The following NUDT7 variants were observed in gnomAD, a reference collection of about 807,000 sequenced individuals.
NUDT7 encodes the protein peroxisomal coenzyme A diphosphatase NUDT7.
NUDT7 carries 19 observed loss-of-function variants against 13.1 expected under a neutral mutation model. That is an observed-to-expected ratio of 1.45 (90% CI 1.01 to 2.13). The LOEUF is 2.13. NUDT7 is among the 30% of genes most tolerant of loss of function. The probability of loss-of-function intolerance (pLI) is 0.00; values close to 1 mark genes in which losing one functional copy is unlikely to be tolerated. For synonymous variants in NUDT7, 132 were observed against 109.7 expected (o/e 1.20, Z -1.27); for missense variants, 360 against 291.7 (o/e 1.23, Z -1.71).
chr16:77,735,866 T>C lies in NUDT7; in HGVS notation c.228T>C (p.Gly76=). The change falls in exon 3 of 4, where the codon GGT becomes GGC. Residue 76 remains glycine, a synonymous_variant. Transcript: ENST00000268533. ...CTGGAGAAGTTTGCTTCCCTGGAGG[T>C]AAGCGTGACCCTACAGACATGGATG... The part of the protein sequence containing the change: ...RAPGEVCFPG[G]KRDPTDMDDA... The C allele has an allele frequency of 6.2e-7, 1 of 1,613,914 alleles. No homozygotes were observed. Among genetic ancestry groups the C allele is most frequent in the Non-Finnish European group, 8.5e-7 (1 of 1,179,878 alleles).
Position 77,734,312 on chromosome 16 carries a change from G to T in NUDT7, c.190-1516G>T, listed in dbSNP as rs150209745. The stretch of plus-strand genomic sequence containing the variant: ...AGCCTAAGTTCCTTTGTCTGAAAAT[G>T]GAAATAATAATAGTATAAGAGTAGC... On this transcript the variant is annotated intron_variant, in intron 2 of 3. Transcript: ENST00000268533. Among the ~76,000 whole-genome samples the T allele has an allele frequency of 2.0e-5, 3 of 152,262 alleles. No homozygotes were observed. The East Asian group carries it at 5.8e-4, about 29-fold the overall frequency.
chr16:77,737,109 G>A (rs533318278), intron 3 of NUDT7, among the ~76,000 whole-genome samples: 1 of 152,230 alleles, frequency 6.6e-6, no homozygotes, highest in South Asian at 2.1e-4. Context: ...ACATCACTGT[G>A]TACATTTGTC....
chr16:77,725,879 C>T (rs2145103294), intron 2 of NUDT7, among the ~76,000 whole-genome samples: 1 of 152,312 alleles, frequency 6.6e-6, no homozygotes, highest in African/African-American at 2.4e-5. Context: ...GGAGGCTGTC[C>T]TGTATAATGT....
intron 1 of NUDT7, among the ~76,000 whole-genome samples, chr16:77,722,967 G>A (rs905176385): frequency 2.6e-5 from 4 of 152,172 alleles, no homozygotes; most frequent in Admixed American, 2.6e-4. Flanking sequence ...TCCCCCGGTG[G>A]CTACTTTCAG....
Position 77,742,009 on chromosome 16 carries a change from G to C in NUDT7, c.*59G>C. 4 of 1,505,450 alleles carry C rather than the reference G, an allele frequency of 2.7e-6. No homozygotes were observed. Among genetic ancestry groups the C allele is most frequent in the Non-Finnish European group, 3.5e-6 (4 of 1,135,450 alleles). 93.3% of individuals were successfully genotyped at this position (1,505,450 alleles called of 1,614,324 possible). On this transcript the variant is annotated 3_prime_UTR_variant, in exon 4 of 4. Transcript: ENST00000268533. ...AGGATTCTGTGTGTGCTTATTCGTA[G>C]AACAACAACAATGCCAGCTGTTGGA...
intron 2 of NUDT7, among the ~76,000 whole-genome samples, chr16:77,730,121 A>G (rs774866385): frequency 1.1e-4 from 16 of 152,200 alleles, no homozygotes; most frequent in Non-Finnish European, 1.5e-4. Context: ...TATCTCACAT[A>G]GTCATCATCT....
chr16:77,728,696 T>C (rs1362177107), intron 2 of NUDT7, among the ~76,000 whole-genome samples: 1 of 152,212 alleles, frequency 6.6e-6, no homozygotes, highest in Non-Finnish European at 1.5e-5. Flanking sequence ...TGTTGGATGC[T>C]ACCTATGTTT....
chr16:77,731,369 G>A (rs2014313726), intron 2 of NUDT7, among the ~76,000 whole-genome samples: 1 of 152,038 alleles, frequency 6.6e-6, no homozygotes, highest in Non-Finnish European at 1.5e-5. Context: ...TACAATGGTG[G>A]CCCCAAAAGA....
At chr16:77,728,349 C>T (rs1262178598) in intron 2 of NUDT7, among the ~76,000 whole-genome samples, 1 of 152,202 alleles carries the variant, frequency 6.6e-6, no homozygotes, top group Non-Finnish European at 1.5e-5. Context: ...TCTCCCACCT[C>T]AGCCTCCCAA....
intron 2 of NUDT7, among the ~76,000 whole-genome samples, chr16:77,727,772 A>C (rs1317299876): frequency 6.6e-6 from 1 of 152,076 alleles, no homozygotes; most frequent in Non-Finnish European, 1.5e-5. Flanking sequence ...AGGGAGAATC[A>C]CTTGAACCTG....
At chr16:77,736,115 C>T in intron 3 of NUDT7, 129 bp downstream of exon 3, 2 of 867,398 alleles carry the variant, frequency 2.3e-6, no homozygotes, top group South Asian at 1.8e-5. Context: ...AACAGGTTCT[C>T]CTACAGACAT....
Position 77,742,142 on chromosome 16 carries a change from C to A in NUDT7, c.*192C>A. The A allele has an allele frequency of 7.7e-7, 1 of 1,303,218 alleles. No individual in the cohort carries two copies. The highest frequency in any genetic ancestry group is 9.8e-7 in the Non-Finnish European group (1 of 1,018,940). 80.7% of individuals were successfully genotyped at this position (1,303,218 alleles called of 1,614,324 possible). A position where few individuals can be genotyped will look rare whatever the true frequency, so the allele number is the denominator to read the frequency against. ...AGTAAAAGCCATTCAAAAATGAAAA[C>A]TATGTTCATAGTGTTGCATATTTTC... On this transcript the variant is annotated 3_prime_UTR_variant, in exon 4 of 4. Transcript: ENST00000268533.
chr16:77,733,044 A>C (rs2014367857), intron 2 of NUDT7, among the ~76,000 whole-genome samples: 1 of 152,170 alleles, frequency 6.6e-6, no homozygotes, highest in Non-Finnish European at 1.5e-5. Flanking sequence ...ACTGTAATTG[A>C]TGTGAAGATG....
chr16:77,730,089 C>T (rs2014269741), intron 2 of NUDT7, among the ~76,000 whole-genome samples: 1 of 152,140 alleles, frequency 6.6e-6, no homozygotes, highest in Non-Finnish European at 1.5e-5. Context: ...CATATGGTAA[C>T]ATGTCACCAC....
At chr16:77,728,773 C>A (rs2014222259) in intron 2 of NUDT7, among the ~76,000 whole-genome samples, 1 of 152,182 alleles carries the variant, frequency 6.6e-6, no homozygotes, top group African/African-American at 2.4e-5. Context: ...ATCCCTGGTG[C>A]CCAGCAAAGA....
At chr16:77,734,798 C>T (rs1405695011) in intron 2 of NUDT7, among the ~76,000 whole-genome samples, 1 of 151,882 alleles carries the variant, frequency 6.6e-6, no homozygotes, top group East Asian at 1.9e-4. Flanking sequence ...ACACAAAAGT[C>T]GAGACTAGGT....
chr16:77,729,419 C>T (rs1173208141), intron 2 of NUDT7, among the ~76,000 whole-genome samples: 2 of 152,018 alleles, frequency 1.3e-5, no homozygotes, highest in African/African-American at 2.4e-5. Flanking sequence ...ACACACAATA[C>T]CTCACATAGT....
At chr16:77,729,480 T>G (rs2014244242) in intron 2 of NUDT7, among the ~76,000 whole-genome samples, 2 of 152,058 alleles carry the variant, frequency 1.3e-5, no homozygotes, top group Non-Finnish European at 2.9e-5. Flanking sequence ...ACCATATACA[T>G]CATATAGTAA....
chr16:77,735,969 G>C lies in NUDT7; in HGVS notation c.331G>C (p.Val111Leu), dbSNP rs1178000935. The part of the protein sequence containing the change: ...PHQVEVVCCL[V>L]PCLIDTDTLI... ...CCAAGTGGAAGTTGTCTGCTGCCTGGTGCCATGTCTTATTGATGTAAGGGT... is the reference window on the plus strand; with the variant it reads ...CCAAGTGGAAGTTGTCTGCTGCCTGCTGCCATGTCTTATTGATGTAAGGGT... The change falls in exon 3 of 4, where the codon GTG becomes CTG. Residue 111 changes from valine to leucine, a missense_variant. Val to Leu is a conservative substitution (Grantham distance 32, BLOSUM62 1). Coordinates refer to ENST00000268533, the MANE Select transcript of NUDT7 (RefSeq NM_001105663.3). The C allele has an allele frequency of 1.3e-5, 21 of 1,614,046 alleles. No homozygotes were observed. Among genetic ancestry groups the C allele is most frequent in the Non-Finnish European group, 1.7e-5 (20 of 1,179,990 alleles).
Sources: gnomAD v4.1 joint callset for allele counts (sites outside exome capture counted in the v4.1 genomes callset) on GRCh38, gnomAD v4.1.1 for gene constraint, MANE v1.5 for transcripts, NCBI Gene and HGNC (gene_info 2026-07-23, HGNC 2026-07-21) for gene names.